Variants in EXT2 observed in about 807,000 individuals in gnomAD.
EXT2 encodes the protein exostosin-2.
A neutral mutation model predicts 81.6 loss-of-function variants in EXT2; 53 were observed. The ratio of observed to expected loss-of-function variants is 0.65; its 90% CI spans 0.52 to 0.82. EXT2 has a LOEUF of 0.82. EXT2 is among the 40% of genes least tolerant of loss of function. The probability of loss-of-function intolerance (pLI) is 0.00; values close to 1 mark genes in which losing one functional copy is unlikely to be tolerated. For missense variants in EXT2, 774 were observed against 910.2 expected, an observed-to-expected ratio of 0.85 and a Z score of 1.93; for synonymous variants, 320 against 340.0, an observed-to-expected ratio of 0.94 and a Z score of 0.65.
At chr11:44,145,213 T>C (rs1007646414) in intron 7 of EXT2, among the ~76,000 whole-genome samples, 2 of 152,154 alleles carry the variant, frequency 1.3e-5, no homozygotes, top group Non-Finnish European at 2.9e-5. Context: ...GACTTCAGTA[T>C]AGCTTCTTTG....
At chr11:44,174,543 C>A (rs1955128895) in intron 8 of EXT2, among the ~76,000 whole-genome samples, 1 of 151,808 alleles carries the variant, frequency 6.6e-6, no homozygotes, top group Non-Finnish European at 1.5e-5. Context: ...TAACTGGTTA[C>A]CATTTGTGTA....
chr11:44,245,575 C>A lies in EXT2; in HGVS notation c.*1288C>A, dbSNP rs1057032877. 3.4e-5 allele frequency: 6 copies of A among 174,072 alleles called. No individual in the cohort carries two copies. The highest frequency in any genetic ancestry group is 2.2e-3 in the Middle Eastern group (1 of 464). 10.8% of individuals were successfully genotyped at this position (174,072 alleles called of 1,614,324 possible). On this transcript the variant is annotated 3_prime_UTR_variant, in exon 14 of 14. Transcript: ENST00000533608. Reference sequence around the variant, plus strand: ...GGGCTTTAGCCACAACATATGTCCCCAAAACACAAAATACATAACAATTTG... The same window carrying A: ...GGGCTTTAGCCACAACATATGTCCCAAAAACACAAAATACATAACAATTTG...
intron 9 of EXT2, among the ~76,000 whole-genome samples, chr11:44,199,716 A>G (rs972408282): frequency 1.4e-5 from 2 of 143,222 alleles, no homozygotes; most frequent in Non-Finnish European, 3.1e-5. Context: ...AAACTGTGAG[A>G]AAGGATACAT....
rs1324261517 is a variant in EXT2, at chr11:44,248,571, A to G, written c.*4284A>G. Among the ~76,000 whole-genome samples the G allele has an allele frequency of 6.6e-6, 1 of 152,216 alleles. No homozygotes were observed. Among genetic ancestry groups the G allele is most frequent in the Non-Finnish European group, 1.5e-5 (1 of 68,036 alleles). ...TCTGTGAACAGGCCTTATTGAGCTT[A>G]TCTTGGCAGAGGAAAGTCAGGCAGG... On this transcript the variant is annotated 3_prime_UTR_variant, in exon 14 of 14. Coordinates refer to ENST00000533608, the MANE Select transcript of EXT2 (RefSeq NM_207122.2).
intron 7 of EXT2, among the ~76,000 whole-genome samples, chr11:44,152,445 G>A (rs1196488988): frequency 6.6e-6 from 1 of 152,058 alleles, no homozygotes; most frequent in Non-Finnish European, 1.5e-5. Context: ...CCTCCTTCTG[G>A]GTTCAAGCAG....
chr11:44,238,855 A>C (rs1956001650), intron 13 of EXT2, among the ~76,000 whole-genome samples: 1 of 152,194 alleles, frequency 6.6e-6, no homozygotes, highest in Non-Finnish European at 1.5e-5. Context: ...AGAGCTTAGA[A>C]TGCTGGCCTA....
chr11:44,095,942 C>T (rs1953888045), intron 1 of EXT2, 90 bp downstream of exon 1: 1 of 401,352 alleles, frequency 2.5e-6, no homozygotes, highest in Non-Finnish European at 4.7e-6. Flanking sequence ...GGACAAGGGC[C>T]GAGGGAGCGC....
intron 13 of EXT2, among the ~76,000 whole-genome samples, chr11:44,240,503 C>G (rs1009640487): frequency 2.0e-5 from 3 of 152,134 alleles, no homozygotes; most frequent in Non-Finnish European, 4.4e-5. Context: ...CAGTATCACT[C>G]TACAATTGCA....
rs774349790 is a variant in EXT2 at position 44,107,817 on chromosome 11, G to A, written c.105G>A (p.Leu35=). The change falls in exon 2 of 14, where the codon CTG becomes CTA. Residue 35 remains leucine (L), a synonymous_variant. Coordinates refer to ENST00000533608, the MANE Select transcript of EXT2 (RefSeq NM_207122.2). ...YYITLFSIVL[L]GLIATGMFQF... is the part of the protein sequence containing the mutation. ...TCACCCTCTTCTCCATTGTCCTCCT[G>A]GGCCTCATTGCCACTGGCATGTTTC... 5 of 1,614,074 alleles carry A rather than the reference G, an allele frequency of 3.1e-6. No homozygotes were observed. Among genetic ancestry groups the A allele is most frequent in the Non-Finnish European group, 4.2e-6 (5 of 1,180,026 alleles).
intron 7 of EXT2, among the ~76,000 whole-genome samples, chr11:44,137,182 G>T (rs1050532945): frequency 6.6e-6 from 1 of 152,176 alleles, no homozygotes; most frequent in South Asian, 2.1e-4. Context: ...GTTGGAAAAA[G>T]ACTTTTACCA....
chr11:44,137,565 A>T (rs1322915909), intron 7 of EXT2, among the ~76,000 whole-genome samples: 1 of 151,662 alleles, frequency 6.6e-6, no homozygotes, highest in Non-Finnish European at 1.5e-5. Context: ...ATGCAAATCT[A>T]AATTCTCACA....
intron 9 of EXT2, among the ~76,000 whole-genome samples, chr11:44,206,251 G>A (rs960315787): frequency 7.9e-5 from 12 of 152,190 alleles, no homozygotes; most frequent in Admixed American, 7.2e-4. Context: ...AGGTGGGCAC[G>A]TCGGGGACCT....
intron 7 of EXT2, among the ~76,000 whole-genome samples, chr11:44,164,733 T>A (rs1954969591): frequency 6.6e-6 from 1 of 152,200 alleles, no homozygotes; most frequent in South Asian, 2.1e-4. Context: ...TGGAATCTGA[T>A]TAACCAAGAA....
Position 44,244,379 on chromosome 11 carries a change from G to A in EXT2, c.*92G>A. On this transcript the variant is annotated 3_prime_UTR_variant, in exon 14 of 14. Transcript: ENST00000533608. ...CTCTGATGTCAGAGTAGTAGGTTAA[G>A]GGTGGAAGGTTGACCTACTTGGATC... 2.1e-6 allele frequency: 3 copies of A among 1,448,732 alleles called. No homozygotes were observed. The Admixed American group carries it at 5.1e-5, about 24-fold the overall frequency. The allele number at this position is 1,448,732 out of a possible 1,614,324, so 89.7% of individuals were successfully genotyped here. A position where few individuals can be genotyped will look rare whatever the true frequency, so the allele number is the denominator to read the frequency against.
chr11:44,108,934 A>T (rs1381649641), intron 2 of EXT2, among the ~76,000 whole-genome samples: 2 of 152,182 alleles, frequency 1.3e-5, no homozygotes, highest in South Asian at 4.1e-4. Flanking sequence ...AATGGTGAAC[A>T]TTTGGGTAGT....
intron 6 of EXT2, 139 bp from the exon 7 acceptor site, chr11:44,129,906 A>G: frequency 2.7e-6 from 2 of 731,298 alleles, no homozygotes; most frequent in Admixed American, 2.0e-5. Context: ...GGGGAAAGAG[A>G]TAATACTTAC....
In EXT2 at chr11:44,155,883, G is replaced by T. The variant is rs148555558; in HGVS notation, c.1174-15728G>T. On this transcript the variant is annotated intron_variant, in intron 7 of 13. Coordinates refer to ENST00000533608, the MANE Select transcript of EXT2 (RefSeq NM_207122.2). Reference sequence around the variant, plus strand: ...TTGCTTGTTAACATCCTTTTCTTTCGGATTGAATAACTCTTTAGTATTTCT... The same window carrying T: ...TTGCTTGTTAACATCCTTTTCTTTCTGATTGAATAACTCTTTAGTATTTCT... Among the ~76,000 whole-genome samples, 3 of 152,054 alleles carry T rather than the reference G, an allele frequency of 2.0e-5. No individual in the cohort carries two copies. In the South Asian group the frequency reaches 6.2e-4, roughly 32 times the overall value.
chr11:44,213,061 T>G (rs1432816321), intron 10 of EXT2, among the ~76,000 whole-genome samples: 2 of 151,924 alleles, frequency 1.3e-5, no homozygotes, highest in Non-Finnish European at 2.9e-5. Context: ...TTTCAAAACT[T>G]GAAAAAAAAA....
intron 7 of EXT2, among the ~76,000 whole-genome samples, chr11:44,143,945 A>T (rs11037885): frequency 0.21 from 31,977 of 152,062 alleles, 3,422 homozygotes; most frequent in African/African-American, 0.23. Context: ...TGATAGCAGC[A>T]TTGGGGATAA....
Sources: gnomAD v4.1 joint callset for allele counts (sites outside exome capture counted in the v4.1 genomes callset) on GRCh38, gnomAD v4.1.1 for gene constraint, MANE v1.5 for transcripts, NCBI Gene and HGNC (gene_info 2026-07-23, HGNC 2026-07-21) for gene names.